MYO5A: variants seen among roughly 807,000 people sequenced by gnomAD.
The protein encoded by MYO5A is myosin VA.
Under a neutral mutation model 249.7 loss-of-function variants are expected in MYO5A, and 98 were observed. That is an observed-to-expected ratio of 0.39 (90% CI 0.33 to 0.46). The LOEUF (loss-of-function observed/expected upper bound fraction) is 0.46. Ranked by LOEUF, MYO5A falls within the 20% of genes least tolerant of loss-of-function variation. The pLI is 0.98. For synonymous variants in MYO5A, 778 were observed against 810.6 expected (o/e 0.96, Z 0.68); for missense variants, 1,696 against 2,308.8 (o/e 0.73, Z 5.44).
chr15:52,461,133 T>G (rs1408021664), intron 1 of MYO5A, among the ~76,000 whole-genome samples: 1 of 152,082 alleles, frequency 6.6e-6, no homozygotes, highest in Admixed American at 6.5e-5. Context: ...TTGTATTTTT[T>G]GCGGAGACTA....
chr15:52,342,296 C>T (rs1334203794), intron 31 of MYO5A, among the ~76,000 whole-genome samples: 1 of 151,926 alleles, frequency 6.6e-6, no homozygotes, highest in African/African-American at 2.4e-5. Flanking sequence ...GAGGTCAAGG[C>T]TGAATTAAGC....
At position 52,375,409 on chromosome 15, in the gene MYO5A, G is replaced by A. The variant is rs1214419638; in HGVS notation, c.2472C>T (p.Tyr824=). The change falls in exon 20 of 42, where the codon TAC becomes TAT. Residue 824 remains tyrosine (Y), a synonymous_variant. Coordinates refer to ENST00000399233, the MANE Select transcript of MYO5A (RefSeq NM_001382347.1). ...RTKAATIIQK[Y]WRMYVVRRRY... is the part of the protein sequence containing the mutation. ...TCCTGCGGACCACATACATGCGCCA[G>A]TACTTTTGAATGATGGTTGCTGCCT... 1.9e-6 allele frequency: 3 copies of A among 1,614,170 alleles called. No individual in the cohort carries two copies. Among genetic ancestry groups the A allele is most frequent in the East Asian group, 2.2e-5 (1 of 44,870 alleles).
At chr15:52,352,890 A>C (rs1347614471) in intron 27 of MYO5A, among the ~76,000 whole-genome samples, 1 of 152,234 alleles carries the variant, frequency 6.6e-6, no homozygotes, top group Non-Finnish European at 1.5e-5. Context: ...TTTTGTAAAA[A>C]TGAATGCTCT....
rs144610519 is a variant in MYO5A, at chr15:52,357,305, C to T, written c.3423+2663G>A. Among the ~76,000 whole-genome samples, 1,253 of 151,814 alleles carry T rather than the reference C, an allele frequency of 8.3e-3. 16 individuals carry two copies. The highest frequency in any genetic ancestry group is 0.027 in the African/African-American group (1,138 of 41,454). ...ATCTTTTCTTACACTGTCATAGAAC[C>T]TTTCATTCTAGAAATGAATATAATA... is the stretch of plus-strand genomic sequence containing the variant. On this transcript the variant is annotated intron_variant, in intron 25 of 41. Coordinates refer to ENST00000399233, the MANE Select transcript of MYO5A (RefSeq NM_001382347.1).
intron 1 of MYO5A, among the ~76,000 whole-genome samples, chr15:52,476,383 C>A (rs2076593355): frequency 6.6e-6 from 1 of 152,116 alleles, no homozygotes; most frequent in Admixed American, 6.5e-5. Context: ...GAGCATTTAG[C>A]CCATTTACAT....
chr15:52,415,714 G>T (rs1724631), intron 5 of MYO5A, among the ~76,000 whole-genome samples: 71,252 of 152,084 alleles, frequency 0.47, 18,474 homozygotes, highest in East Asian at 0.85. Context: ...AAAGGAATAA[G>T]GAAACTCATT....
chr15:52,384,356 T>C, intron 14 of MYO5A, 34 bp from the exon 15 acceptor site: 1 of 1,604,554 alleles, frequency 6.2e-7, no homozygotes, highest in Non-Finnish European at 8.5e-7. Flanking sequence ...AATTACATTC[T>C]AAACCAAACT....
intron 1 of MYO5A, among the ~76,000 whole-genome samples, chr15:52,448,202 C>A (rs574981174): frequency 1.3e-5 from 2 of 152,246 alleles, no homozygotes; most frequent in African/African-American, 4.8e-5. Context: ...TGTGGGCCCA[C>A]TCCTTGCATC....
At chr15:52,483,819 T>C (rs1178833509) in intron 1 of MYO5A, among the ~76,000 whole-genome samples, 1 of 152,242 alleles carries the variant, frequency 6.6e-6, no homozygotes, top group African/African-American at 2.4e-5. Context: ...CCTGAACTTC[T>C]ATTATTATAA....
chr15:52,439,962 A>G (rs1401335711), intron 1 of MYO5A, among the ~76,000 whole-genome samples: 2 of 152,288 alleles, frequency 1.3e-5, no homozygotes, highest in Non-Finnish European at 2.9e-5. Flanking sequence ...ATTTTATAAT[A>G]GCTAAAATCT....
At chr15:52,491,836 A>C (rs922319921) in intron 1 of MYO5A, among the ~76,000 whole-genome samples, 1 of 152,238 alleles carries the variant, frequency 6.6e-6, no homozygotes, top group African/African-American at 2.4e-5. Context: ...TGGCAACATA[A>C]TTAGCAAAAA....
intron 22 of MYO5A, 43 bp downstream of exon 22, chr15:52,370,126 C>T (rs762923943): frequency 1.4e-5 from 22 of 1,612,698 alleles, no homozygotes; most frequent in Non-Finnish European, 1.7e-5. Flanking sequence ...CAGCACCTCT[C>T]TTTTGTGTAC....
At chr15:52,434,005 T>C (rs201821466) in intron 1 of MYO5A, among the ~76,000 whole-genome samples, 7 of 149,430 alleles carry the variant, frequency 4.7e-5, no homozygotes, top group South Asian at 4.2e-4. Context: ...TTTTCTTTTT[T>C]TTTTTTTTTT....
intron 38 of MYO5A, 50 bp downstream of exon 38, chr15:52,321,309 G>C (rs1406410346): frequency 1.2e-6 from 2 of 1,611,286 alleles, no homozygotes; most frequent in South Asian, 2.2e-5. Context: ...ACTTATCGAT[G>C]GGCATGAATG....
Position 52,507,222 on chromosome 15 carries a change from G to A in MYO5A, c.27+21558C>T, listed in dbSNP as rs567496739. ...ATTCAAGCAACAGTTTATGACACAT[G>A]TCTATATTACACATAAAATGCTAAT... On this transcript the variant is annotated intron_variant, in intron 1 of 41. Coordinates refer to ENST00000399233, the MANE Select transcript of MYO5A (RefSeq NM_001382347.1). Among the ~76,000 whole-genome samples, 4 of 152,314 alleles carry A rather than the reference G, an allele frequency of 2.6e-5. No homozygotes were observed. In the East Asian group the frequency reaches 7.7e-4, roughly 29 times the overall value.
intron 1 of MYO5A, among the ~76,000 whole-genome samples, chr15:52,520,463 A>G (rs976011490): frequency 6.6e-6 from 1 of 152,158 alleles, no homozygotes; most frequent in Admixed American, 6.5e-5. Flanking sequence ...GGTGCCACTG[A>G]CCATCTTTTC....
rs747759680 is a variant in MYO5A, at chr15:52,310,484, T to C, written c.*3212A>G. 1.2e-4 allele frequency: 18 copies of C among 152,258 alleles called. No homozygotes were observed. Among genetic ancestry groups the C allele is most frequent in the Non-Finnish European group, 2.5e-4 (17 of 68,054 alleles). 9.4% of individuals were successfully genotyped at this position (152,258 alleles called of 1,614,324 possible). On this transcript the variant is annotated 3_prime_UTR_variant, in exon 42 of 42. Coordinates refer to ENST00000399233, the MANE Select transcript of MYO5A (RefSeq NM_001382347.1). ...TAAGATCTCTTCCTTTGAATTCCCA[T>C]TGTGTGTCACAGAGGAATTAAGAAA...
intron 25 of MYO5A, 80 bp from the exon 26 acceptor site, chr15:52,354,094 T>G (rs549939067): frequency 6.5e-7 from 1 of 1,543,918 alleles, no homozygotes; most frequent in Non-Finnish European, 8.9e-7. Context: ...AACAGCTCAA[T>G]GGAAAAATAG....
At chr15:52,505,160 A>G (rs931037555) in intron 1 of MYO5A, 1 of 737,948 alleles carries the variant, frequency 1.4e-6, no homozygotes, top group African/African-American at 1.7e-5. Context: ...CAATTCGTAC[A>G]TGGAGAACTC....
Sources: allele counts gnomAD v4.1 joint callset (sites outside exome capture counted in the v4.1 genomes callset), GRCh38; gene constraint gnomAD v4.1.1; transcripts MANE v1.5; gene names NCBI Gene and HGNC (gene_info 2026-07-23, HGNC 2026-07-21).